The following GAS2L2 variants were observed in gnomAD, a reference collection of about 807,000 sequenced individuals.
GAS2L2 encodes GAS2-like protein 2.
A neutral mutation model predicts 35.2 loss-of-function variants in GAS2L2; 21 were observed. That is an observed-to-expected ratio of 0.60 (90% CI 0.42 to 0.86). GAS2L2 has a LOEUF of 0.86. Among genes scored for constraint, GAS2L2 ranks in the 40% least tolerant of loss-of-function variants. The pLI, the probability that GAS2L2 is intolerant of heterozygous loss-of-function variation, is 0.00. For missense variants in GAS2L2, 1,169 were observed against 1,144.4 expected, an observed-to-expected ratio of 1.02 and a Z score of -0.31; for synonymous variants, 490 against 473.2, an observed-to-expected ratio of 1.04 and a Z score of -0.46.
In GAS2L2 at chr17:35,750,123, G is replaced by T. The variant is rs782062557; in HGVS notation, c.581C>A (p.Ala194Glu). 6.2e-6 allele frequency: 10 copies of T among 1,601,334 alleles called. No homozygotes were observed. Among genetic ancestry groups the T allele is most frequent in the Non-Finnish European group, 6.0e-6 (7 of 1,176,390 alleles). Residue 194 changes from alanine (A) to glutamate (E), a missense_variant, in exon 2 of 6, where the codon GCG (alanine) becomes GAG (glutamate). Physicochemically the swap from Ala to Glu is moderately radical, Grantham distance 107. This residue lies in a region of GAS2L2 where 1,035 missense variants were observed against 976.5 expected (regional missense o/e 1.06). Transcript: ENST00000604641. ...ALPPPDPSPP[A>E]PPRRQPCHFR... The stretch of plus-strand genomic sequence containing the variant: ...GTGGCAGGGCTGGCGCCTGGGGGGC[G>T]CTGGCGGCGAGGGGTCGGGCGGGGG...
chr17:35,747,899 G>A lies in GAS2L2; in HGVS notation c.782C>T (p.Thr261Ile). 1 of 1,613,956 alleles carries A rather than the reference G, an allele frequency of 6.2e-7. No individual in the cohort carries two copies. Among genetic ancestry groups the A allele is most frequent in the Non-Finnish European group, 8.5e-7 (1 of 1,179,942 alleles). ...ATGTTTGTCCAGGTAATGGCCCAGTGTGTCCCAGCCGCCCCCTACACGTAC... is the reference window on the plus strand; with the variant it reads ...ATGTTTGTCCAGGTAATGGCCCAGTATGTCCCAGCCGCCCCCTACACGTAC... ...VMVRVGGGWDTLGHYLDKHDP... is the reference protein window; with the variant it reads ...VMVRVGGGWDILGHYLDKHDP... Residue 261 changes from threonine (T) to isoleucine (I), a missense_variant, in exon 4 of 6, where the codon ACA becomes ATA. Transcript: ENST00000604641.
chr17:35,751,439 G>C (rs965221808), intron 1 of GAS2L2, among the ~76,000 whole-genome samples: 1 of 152,102 alleles, frequency 6.6e-6, no homozygotes, highest in East Asian at 1.9e-4. Context: ...AGGCTAAGGC[G>C]GGCGGATCAC....
intron 1 of GAS2L2, 143 bp downstream of exon 1, chr17:35,752,323 G>C (rs1218439403): frequency 1.5e-6 from 1 of 685,968 alleles, no homozygotes; most frequent in Non-Finnish European, 2.5e-6. Flanking sequence ...GGAAACTGAG[G>C]CATGAAAAAA....
intron 2 of GAS2L2, 47 bp downstream of exon 2, chr17:35,750,030 A>G: frequency 1.3e-6 from 2 of 1,582,192 alleles, no homozygotes; most frequent in Non-Finnish European, 1.7e-6. Flanking sequence ...GAGGAGCACG[A>G]AGGACAAAGG....
At chr17:35,751,883 C>T (rs2085706078) in intron 1 of GAS2L2, among the ~76,000 whole-genome samples, 1 of 118,328 alleles carries the variant, frequency 8.5e-6, no homozygotes, top group Admixed American at 9.7e-5. Flanking sequence ...TTGAGACAGA[C>T]TCTCACTCTG....
At chr17:35,747,312 G>C (rs1555599165) in intron 4 of GAS2L2, 44 bp from the exon 5 acceptor site, 1 of 1,546,426 alleles carries the variant, frequency 6.5e-7, no homozygotes, top group Admixed American at 1.9e-5. Flanking sequence ...GAAGGGTTCA[G>C]TTCCTGCCAA....
In GAS2L2 at chr17:35,748,071, T is replaced by C. The variant is rs367957846; in HGVS notation, c.736-126A>G. ...ATGTACCCATCCACACGTAGATGTA[T>C]GTGTGTGCTGTAAAAAGGCAGCCCG... is the stretch of plus-strand genomic sequence containing the variant. On this transcript the variant is annotated intron_variant, in intron 3 of 5. Transcript: ENST00000604641. 2.3e-5 allele frequency: 14 copies of C among 609,492 alleles called. No individual in the cohort carries two copies. In the East Asian group the frequency reaches 3.3e-4, roughly 14 times the overall value. The allele number at this position is 609,492 out of a possible 1,614,324, so 37.8% of individuals were successfully genotyped here.
Position 35,745,568 on chromosome 17 carries a change from C to G in GAS2L2, c.1929G>C (p.Gln643His). The G allele has an allele frequency of 3.7e-6, 6 of 1,613,762 alleles. No individual in the cohort carries two copies. The South Asian group carries it at 5.5e-5, about 15-fold the overall frequency. ...CATAAGGACCCCCAGGCTCAGGCCA[C>G]TGCCCAGCCAGCCTGGGGATGTAGA... The part of the protein sequence containing the change: ...SGVYIPRLAG[Q>H]WPEPGGPYDK... Residue 643 changes from glutamine to histidine, a missense_variant, in exon 6 of 6, where the codon CAG becomes CAC. By Grantham distance (24) the Gln-to-His change is conservative (BLOSUM62 0). This residue lies in a region of GAS2L2 where 1,035 missense variants were observed against 976.5 expected (regional missense o/e 1.06). Coordinates refer to ENST00000604641, the MANE Select transcript of GAS2L2 (RefSeq NM_139285.4).
rs145467681 is a variant in GAS2L2 at position 35,747,859 on chromosome 17, G to A, written c.822C>T (p.Cys274=). 796 of 1,613,730 alleles carry A rather than the reference G, an allele frequency of 4.9e-4. 1 individual carries two copies. Among genetic ancestry groups the A allele is most frequent in the Non-Finnish European group, 3.5e-4 (416 of 1,179,716 alleles). The change falls in exon 4 of 6, where the codon TGC becomes TGT. Residue 274 remains cysteine, a synonymous_variant. Coordinates refer to ENST00000604641, the MANE Select transcript of GAS2L2 (RefSeq NM_139285.4). ...HYLDKHDPCR[C]TSLSHKPGSF... ...CCTCAGGGGACTCACAGAGGGATGT[G>A]CAGCGGCAGGGGTCATGTTTGTCCA... is the stretch of plus-strand genomic sequence containing the variant.
chr17:35,750,280 T>TG lies in GAS2L2; in HGVS notation c.423dup (p.Lys142GlnfsTer89). 6.2e-7 allele frequency: 1 copy of TG among 1,613,884 alleles called. No homozygotes were observed. Among genetic ancestry groups the TG allele is most frequent in the Non-Finnish European group, 8.5e-7 (1 of 1,179,948 alleles). ...CACAGCACCACGTTCTTCACGTTCT[T>TG]GCGCAGCACCAAGTCCTCCGTCTCG... On this transcript the variant is annotated frameshift_variant, in exon 2 of 6. Transcript: ENST00000604641. LOFTEE classifies it high-confidence loss of function.
Position 35,744,806 on chromosome 17 carries a change from A to G in GAS2L2, c.*48T>C, listed in dbSNP as rs1343629911. ...TCCCGCAGCTGTGAATCCAGTGTAT[A>G]CATGGCCATCCTTTTTGCTTCCCTC... is the stretch of plus-strand genomic sequence containing the variant. On this transcript the variant is annotated 3_prime_UTR_variant, in exon 6 of 6. Transcript: ENST00000604641. 1.3e-5 allele frequency: 18 copies of G among 1,378,104 alleles called. No homozygotes were observed. Among genetic ancestry groups the G allele is most frequent in the Non-Finnish European group, 1.5e-5 (15 of 1,002,022 alleles). 85.4% of individuals were successfully genotyped at this position (1,378,104 alleles called of 1,614,324 possible). A position where few individuals can be genotyped will look rare whatever the true frequency, so the allele number is the denominator to read the frequency against.
intron 2 of GAS2L2, 82 bp from the exon 3 acceptor site, chr17:35,749,299 C>A: frequency 1.2e-6 from 1 of 810,742 alleles, no homozygotes; most frequent in Non-Finnish European, 2.0e-6. Context: ...CCAGGTCACC[C>A]CTGAGGTTTC....
intron 1 of GAS2L2, among the ~76,000 whole-genome samples, chr17:35,751,897 C>A (rs587741831): frequency 1.1e-4 from 16 of 140,102 alleles, no homozygotes; most frequent in African/African-American, 4.4e-4. Context: ...CACTCTGTCA[C>A]CCAGGTTGGA....
chr17:35,752,711 C>T lies in GAS2L2; in HGVS notation c.140G>A (p.Gly47Glu), dbSNP rs150738875. 1.2e-3 allele frequency: 1,861 copies of T among 1,613,988 alleles called. 2 individuals are homozygous for T. The highest frequency in any genetic ancestry group is 1.5e-3 in the Admixed American group (88 of 60,024). The change falls in exon 1 of 6, where the codon GGG (glycine) becomes GAG (glutamate). Residue 47 changes from glycine (G) to glutamate (E), a missense_variant. This residue lies in a region of GAS2L2 where 127 missense variants were observed against 146.1 expected (regional missense o/e 0.87). Coordinates refer to ENST00000604641, the MANE Select transcript of GAS2L2 (RefSeq NM_139285.4). ...GAAGTTGGCTGCGTCGATGTCCAGC[C>T]CATAGAGGTCGCGAAGCCACTCAGC... ...DLAEWLRDLY[G>E]LDIDAANFLQ...
Position 35,753,006 on chromosome 17 carries a change from C to CT in GAS2L2, c.-157dup. 1.3e-6 allele frequency: 1 copy of CT among 754,758 alleles called. No individual in the cohort carries two copies. The highest frequency in any genetic ancestry group is 1.9e-5 in the South Asian group (1 of 51,950). 46.8% of individuals were successfully genotyped at this position (754,758 alleles called of 1,614,324 possible). A position where few individuals can be genotyped will look rare whatever the true frequency, so the allele number is the denominator to read the frequency against. ...GGACCTCCAGTGCTGCTACTTGCCA[C>CT]TGGCTTCAGCTGCCAGGCCTGGCCC... On this transcript the variant is annotated 5_prime_UTR_variant, in exon 1 of 6. Coordinates refer to ENST00000604641, the MANE Select transcript of GAS2L2 (RefSeq NM_139285.4).
rs1043171014 is a variant in GAS2L2 at position 35,744,752 on chromosome 17, G to T, written c.*102C>A. 1.1e-5 allele frequency: 10 copies of T among 898,304 alleles called. No homozygotes were observed. In the East Asian group the frequency reaches 2.7e-4, roughly 24 times the overall value. The allele number at this position is 898,304 out of a possible 1,614,324, so 55.6% of individuals were successfully genotyped here. ...CTGACCCACTCCTGCCCAAGGCCCTGTGTGGAGGTGAGGGAACATCCCTTC... is the reference window on the plus strand; with the variant it reads ...CTGACCCACTCCTGCCCAAGGCCCTTTGTGGAGGTGAGGGAACATCCCTTC... On this transcript the variant is annotated 3_prime_UTR_variant, in exon 6 of 6. Transcript: ENST00000604641.
chr17:35,752,407 A>T, intron 1 of GAS2L2, 59 bp downstream of exon 1: 1 of 1,492,384 alleles, frequency 6.7e-7, no homozygotes, highest in Non-Finnish European at 9.0e-7. Flanking sequence ...CATTTGAGAA[A>T]GGACCAATAC....
Position 35,747,110 on chromosome 17 carries a change from G to A in GAS2L2, c.991C>T (p.Arg331Ter), listed in dbSNP as rs139340113. ...VDWKTYTSSD[R>*]RLRPPTPSSP... ...GATGGGGTGGGGGGCCTCAGCCTTCGGTCTGAAGAGGTATATGTCTTCCAG... is the reference window on the plus strand; with the variant it reads ...GATGGGGTGGGGGGCCTCAGCCTTCAGTCTGAAGAGGTATATGTCTTCCAG... The change falls in exon 5 of 6, where the codon CGA becomes TGA. Residue 331 changes from arginine to a stop codon, truncating the protein, a stop_gained. Coordinates refer to ENST00000604641, the MANE Select transcript of GAS2L2 (RefSeq NM_139285.4). LOFTEE classifies it high-confidence loss of function. 1.7e-5 allele frequency: 27 copies of A among 1,613,028 alleles called. No individual in the cohort carries two copies. The highest frequency in any genetic ancestry group is 1.7e-4 in the Middle Eastern group (1 of 6,036).
rs2085693199 is a variant in GAS2L2, at chr17:35,750,074, C to T, written c.627+3G>A. On this transcript the variant is annotated splice_donor_region_variant and intron_variant, in intron 2 of 5. Transcript: ENST00000604641. The stretch of plus-strand genomic sequence containing the variant: ...CCCTGAGGGCGTGTGCAGAGCCCCT[C>T]ACCATCTGGTCCAGGTTGCGGAAGT... The T allele has an allele frequency of 6.2e-7, 1 of 1,603,782 alleles. No homozygotes were observed. The highest frequency in any genetic ancestry group is 8.5e-7 in the Non-Finnish European group (1 of 1,176,326).
Sources: gnomAD v4.1 joint callset for allele counts (sites outside exome capture counted in the v4.1 genomes callset) on GRCh38, gnomAD v4.1.1 for gene constraint, gnomAD v4.1.1 regional missense constraint, MANE v1.5 for transcripts, NCBI Gene and HGNC (gene_info 2026-07-23, HGNC 2026-07-21) for gene names.